The following WARS2 variants were observed in gnomAD, a reference collection of about 807,000 sequenced individuals.
WARS2 encodes the protein tryptophan--tRNA ligase, mitochondrial.
Under a neutral mutation model 36.5 loss-of-function variants are expected in WARS2, and 28 were observed. The ratio of observed to expected loss-of-function variants is 0.77; its 90% CI spans 0.57 to 1.05. WARS2 has a LOEUF of 1.05. Ranked by LOEUF, WARS2 falls within the 50% of genes least tolerant of loss-of-function variation. The pLI, the probability that WARS2 is intolerant of heterozygous loss-of-function variation, is 0.00. For missense variants in WARS2, 435 were observed against 456.8 expected (o/e 0.95, Z 0.44); for synonymous variants, 174 against 178.4 (o/e 0.98, Z 0.20).
chr1:119,041,303 C>G (rs12088290), intron 4 of WARS2, among the ~76,000 whole-genome samples: 2 of 152,108 alleles, frequency 1.3e-5, no homozygotes, highest in Non-Finnish European at 2.9e-5. Flanking sequence ...GGCTTTATCT[C>G]TAGAAGGCCA....
At chr1:119,073,954 T>G (rs1273536962) in intron 2 of WARS2, among the ~76,000 whole-genome samples, 3 of 152,220 alleles carry the variant, frequency 2.0e-5, no homozygotes, top group Non-Finnish European at 4.4e-5. Context: ...AAAGATCACT[T>G]TAAAAAGCAA....
Position 119,031,350 on chromosome 1 carries a change from A to C in WARS2, c.*1561T>G, listed in dbSNP as rs951072136. On this transcript the variant is annotated 3_prime_UTR_variant, in exon 6 of 6. Transcript: ENST00000235521. ...AGGTTCTAGGACTTACAGACATCCCATTCCAGTATAAGATACAAAAGGCAA... is the reference window on the plus strand; with the variant it reads ...AGGTTCTAGGACTTACAGACATCCCCTTCCAGTATAAGATACAAAAGGCAA... The C allele has an allele frequency of 6.6e-6, 1 of 152,220 alleles. No individual in the cohort carries two copies. The highest frequency in any genetic ancestry group is 6.5e-5 in the Admixed American group (1 of 15,282). 9.4% of individuals were successfully genotyped at this position (152,220 alleles called of 1,614,324 possible). A position where few individuals can be genotyped will look rare whatever the true frequency, so the allele number is the denominator to read the frequency against.
At chr1:119,109,902 T>C (rs1432348654) in intron 1 of WARS2, among the ~76,000 whole-genome samples, 40 of 151,862 alleles carry the variant, frequency 2.6e-4, no homozygotes, top group Admixed American at 2.6e-3. Flanking sequence ...TATTACACTT[T>C]TTTTATTTTT....
chr1:119,044,705 A>G (rs974495330), intron 3 of WARS2, among the ~76,000 whole-genome samples: 2 of 152,276 alleles, frequency 1.3e-5, no homozygotes, highest in East Asian at 3.9e-4. Context: ...TGCTGTCAGG[A>G]GCAAGCGGTG....
rs1647524674 is a variant in WARS2 at position 119,032,695 on chromosome 1, T to C, written c.*216A>G. 3.6e-6 allele frequency: 2 copies of C among 561,768 alleles called. No homozygotes were observed. Among genetic ancestry groups the C allele is most frequent in the Non-Finnish European group, 6.2e-6 (2 of 323,712 alleles). The allele number at this position is 561,768 out of a possible 1,614,324, so 34.8% of individuals were successfully genotyped here. A position where few individuals can be genotyped will look rare whatever the true frequency, so the allele number is the denominator to read the frequency against. On this transcript the variant is annotated 3_prime_UTR_variant, in exon 6 of 6. Transcript: ENST00000235521. ...CAGACAGCTATGCCTTCTTGATTTA[T>C]TTTTTGTTGTTGTTGTTCACAGCAT...
At chr1:119,076,270 G>A (rs1571322666) in intron 2 of WARS2, 80 bp downstream of exon 2, 1 of 1,527,458 alleles carries the variant, frequency 6.5e-7, no homozygotes, top group Non-Finnish European at 8.9e-7. Flanking sequence ...CACGAGCAGG[G>A]GCTGTATGAA....
At chr1:119,103,449 G>A (rs17023230) in intron 1 of WARS2, among the ~76,000 whole-genome samples, 1,705 of 152,118 alleles carry the variant, frequency 0.011, 16 homozygotes, top group South Asian at 0.027. Context: ...AGGAATATCA[G>A]GCCCATACCT....
At chr1:119,072,860 A>T (rs1010627448) in intron 2 of WARS2, among the ~76,000 whole-genome samples, 1 of 152,212 alleles carries the variant, frequency 6.6e-6, no homozygotes, top group African/African-American at 2.4e-5. Flanking sequence ...ACTTCAACAA[A>T]GAAAATAACA....
chr1:119,055,512 C>T (rs760852410), intron 2 of WARS2, among the ~76,000 whole-genome samples: 2 of 152,002 alleles, frequency 1.3e-5, no homozygotes, highest in Non-Finnish European at 2.9e-5. Context: ...CATGATGGTG[C>T]GCACCTATAG....
At chr1:119,054,630 G>A (rs577829431) in intron 2 of WARS2, among the ~76,000 whole-genome samples, 24 of 152,222 alleles carry the variant, frequency 1.6e-4, no homozygotes, top group African/African-American at 5.3e-4. Context: ...ATTCACAATA[G>A]CTGAAAGATG....
chr1:119,081,194 GA>G (rs1272935121), intron 1 of WARS2, among the ~76,000 whole-genome samples: 1 of 152,204 alleles, frequency 6.6e-6, no homozygotes, highest in Non-Finnish European at 1.5e-5. Flanking sequence ...GTAAGGTACT[GA>G]GCACATCCAA....
chr1:119,090,078 C>T (rs1299940767), intron 1 of WARS2, among the ~76,000 whole-genome samples: 2 of 151,228 alleles, frequency 1.3e-5, no homozygotes, highest in Admixed American at 6.6e-5. Flanking sequence ...ACACATTTAT[C>T]TATGTAACAA....
chr1:119,065,076 T>C (rs1571305719), intron 2 of WARS2, among the ~76,000 whole-genome samples: 2 of 152,194 alleles, frequency 1.3e-5, no homozygotes, highest in Admixed American at 1.3e-4. Flanking sequence ...TTTAAAAAAG[T>C]TAAGTTAAAA....
intron 4 of WARS2, 22 bp from the exon 5 acceptor site, chr1:119,034,235 A>G: frequency 6.3e-7 from 1 of 1,587,754 alleles, no homozygotes; most frequent in Non-Finnish European, 8.6e-7. Flanking sequence ...GACAGACAGA[A>G]AAACAACAGC....
At chr1:119,137,024 G>GA (rs1656556012) in intron 1 of WARS2, among the ~76,000 whole-genome samples, 1 of 152,176 alleles carries the variant, frequency 6.6e-6, no homozygotes, top group Non-Finnish European at 1.5e-5. Flanking sequence ...TCATGAAGGA[G>GA]AAAATGTATG....
chr1:119,088,507 C>T (rs1031857382), intron 1 of WARS2, among the ~76,000 whole-genome samples: 2 of 151,708 alleles, frequency 1.3e-5, no homozygotes, highest in Non-Finnish European at 2.9e-5. Context: ...AGTTCACTTG[C>T]TAGTAATTTA....
At chr1:119,122,456 A>G (rs1292778898) in intron 1 of WARS2, among the ~76,000 whole-genome samples, 3 of 152,226 alleles carry the variant, frequency 2.0e-5, no homozygotes, top group African/African-American at 7.2e-5. Context: ...AATGTAAACT[A>G]GTACAACCAC....
chr1:119,063,784 G>C (rs971500294), intron 2 of WARS2: 1 of 152,254 alleles, frequency 6.6e-6, no homozygotes, highest in African/African-American at 2.4e-5. Context: ...CCTCCGCCTA[G>C]ATTTCAGAAA....
intron 1 of WARS2, among the ~76,000 whole-genome samples, chr1:119,103,270 T>TA (rs1392191669): frequency 6.6e-6 from 1 of 152,170 alleles, no homozygotes; most frequent in Non-Finnish European, 1.5e-5. Flanking sequence ...GTTATCCCTA[T>TA]AAGCCTACGC....
Sources: gnomAD v4.1 joint callset for allele counts (sites outside exome capture counted in the v4.1 genomes callset) on GRCh38, gnomAD v4.1.1 for gene constraint, MANE v1.5 for transcripts, NCBI Gene and HGNC (gene_info 2026-07-23, HGNC 2026-07-21) for gene names.